The following MYH13 variants were observed in gnomAD, a reference collection of about 807,000 sequenced individuals.
MYH13 encodes the protein myosin heavy chain 13, also known as myosin-13.
Under a neutral mutation model 232.1 loss-of-function variants are expected in MYH13, and 177 were observed. That is an observed-to-expected ratio of 0.76 (90% CI 0.67 to 0.86). MYH13 has a LOEUF of 0.86. Ranked by LOEUF, MYH13 falls within the 40% of genes least tolerant of loss-of-function variation. The probability of loss-of-function intolerance (pLI) is 0.00; values close to 1 mark genes in which losing one functional copy is unlikely to be tolerated. For synonymous variants in MYH13, 884 were observed against 923.5 expected, an observed-to-expected ratio of 0.96 and a Z score of 0.78; for missense variants, 2,246 against 2,405.9, an observed-to-expected ratio of 0.93 and a Z score of 1.39.
chr17:10,327,292 C>T (rs560927626), intron 22 of MYH13, among the ~76,000 whole-genome samples: 371 of 151,800 alleles, frequency 2.4e-3, no homozygotes, highest in African/African-American at 8.6e-3. Flanking sequence ...TGAGCCACCG[C>T]GCCCGGCCGC....
In MYH13 at chr17:10,340,181, T is replaced by C; in HGVS notation, c.2025A>G (p.Arg675=). The change falls in exon 18 of 41, where the codon CGA becomes CGG. Residue 675 remains arginine, a synonymous_variant. Transcript: ENST00000252172. ...NLRSTHPHFV[R]CLIPNETKTP... is the part of the protein sequence containing the mutation. ...TCTTGGTCTCATTGGGAATCAGACA[T>C]CGTACAAAGTGAGGGTGGGTGCTCC... 1 of 1,613,964 alleles carries C rather than the reference T, an allele frequency of 6.2e-7. No homozygotes were observed.
At position 10,328,056 on chromosome 17, in the gene MYH13, A is replaced by T; in HGVS notation, c.2501T>A (p.Met834Lys). The part of the protein sequence containing the change: ...SFMNVKHWPW[M>K]NLFFKIKPLL... ...GGGCTTGATTTTGAAGAACAGGTTC[A>T]TCCAGGGCCAGTGCTTGACGTTCAT... The change falls in exon 22 of 41, where the codon ATG (methionine) becomes AAG (lysine). Residue 834 changes from methionine to lysine, a missense_variant. Transcript: ENST00000252172. 6.2e-7 allele frequency: 1 copy of T among 1,614,162 alleles called. No individual in the cohort carries two copies.
chr17:10,321,798 C>T, intron 23 of MYH13, 90 bp from the exon 24 acceptor site: 2 of 1,229,648 alleles, frequency 1.6e-6, no homozygotes, highest in East Asian at 2.4e-5. Context: ...CTCATTTTTC[C>T]TTTTTCCCTT....
At chr17:10,327,481 T>C (rs1167828664) in intron 22 of MYH13, among the ~76,000 whole-genome samples, 4 of 152,172 alleles carry the variant, frequency 2.6e-5, no homozygotes, top group Non-Finnish European at 4.4e-5. Context: ...AAATAATATA[T>C]AGAAAATTAC....
At chr17:10,368,560 G>A (rs190948604) in intron 2 of MYH13, among the ~76,000 whole-genome samples, 1 of 152,208 alleles carries the variant, frequency 6.6e-6, no homozygotes, top group African/African-American at 2.4e-5. Context: ...GTGTATGGTA[G>A]TGAAGAATAC....
intron 18 of MYH13, among the ~76,000 whole-genome samples, chr17:10,334,335 A>C (rs1177241152): frequency 2.6e-5 from 4 of 152,154 alleles, no homozygotes; most frequent in Non-Finnish European, 5.9e-5. Context: ...ATGATTTTTA[A>C]GGCTTTGGTA....
intron 11 of MYH13, 67 bp downstream of exon 11, chr17:10,354,611 CTA>C (rs2071734069): frequency 1.4e-6 from 2 of 1,413,342 alleles, no homozygotes. Flanking sequence ...CATTAGCTCA[CTA>C]ACGTGTCTCT....
At chr17:10,344,820 C>CAAAAA (rs10566615) in intron 15 of MYH13, among the ~76,000 whole-genome samples, 1 of 53,476 alleles carries the variant, frequency 1.9e-5, no homozygotes, top group Non-Finnish European at 3.9e-5. Flanking sequence ...GACTCCGTCT[C>CAAAAA]AAAAAAAAAA....
In MYH13 at chr17:10,313,224, A is replaced by G; in HGVS notation, c.4115T>C (p.Val1372Ala). The change falls in exon 30 of 41, where the codon GTT becomes GCT. Residue 1372 changes from valine to alanine, a missense_variant. Val to Ala is a moderately conservative substitution (Grantham distance 64). Transcript: ENST00000252172. ...QRALSKANSE[V>A]AQWRTKYETD... ...CTCGTATTTGGTCCTCCACTGGGCA[A>G]CCTCACTGTTGGCCTTGGACAGCGC... 6.2e-7 allele frequency: 1 copy of G among 1,614,106 alleles called. No individual in the cohort carries two copies.
chr17:10,350,822 C>T (rs954308226), intron 11 of MYH13, 128 bp from the exon 12 acceptor site: 2 of 1,223,592 alleles, frequency 1.6e-6, no homozygotes, highest in Non-Finnish European at 2.4e-6. Context: ...AAGTGGATGA[C>T]AGGTGGGGAT....
chr17:10,351,134 T>A (rs538437083), intron 11 of MYH13, among the ~76,000 whole-genome samples: 1 of 144,924 alleles, frequency 6.9e-6, no homozygotes, highest in South Asian at 2.2e-4. Context: ...GGCAGGAGAA[T>A]CACTTGAACC....
chr17:10,318,833 A>G lies in MYH13; in HGVS notation c.3695T>C (p.Ile1232Thr), dbSNP rs61745305. Residue 1232 changes from isoleucine (I) to threonine (T), a missense_variant, in exon 27 of 41, where the codon ATT becomes ACT. Physicochemically the swap from Ile to Thr is moderately conservative, Grantham distance 89. Coordinates refer to ENST00000252172, the MANE Select transcript of MYH13 (RefSeq NM_003802.3). The stretch of plus-strand genomic sequence containing the variant: ...CTCGATGTTGCTGGCCATGTCGTCA[A>G]TCTCCATCTTCAGCTCGCTCTTCTC... ...EKEKSELKME[I>T]DDMASNIEAL... The G allele has an allele frequency of 1.4e-4, 221 of 1,614,022 alleles. No homozygotes were observed. The African/African-American group carries it at 2.4e-3, about 18-fold the overall frequency.
At chr17:10,337,739 T>C (rs765952438) in intron 18 of MYH13, among the ~76,000 whole-genome samples, 7 of 152,040 alleles carry the variant, frequency 4.6e-5, no homozygotes, top group Non-Finnish European at 1.0e-4. Context: ...GGACAGACAT[T>C]TCAGCAACAT....
chr17:10,341,583 G>A (rs1314751794), intron 16 of MYH13: 46 of 152,140 alleles, frequency 3.0e-4, no homozygotes, highest in Non-Finnish European at 4.4e-5. Context: ...AGCCTTGGGG[G>A]AAAATGTCAT....
chr17:10,328,163 T>A lies in MYH13; in HGVS notation c.2436-42A>T, dbSNP rs370569021. ...ACTCAAATTAATAAATCCAGCAAGG[T>A]CTGGTCTCTGCACCCCCAACCTGTC... On this transcript the variant is annotated intron_variant, in intron 21 of 40. Coordinates refer to ENST00000252172, the MANE Select transcript of MYH13 (RefSeq NM_003802.3). 23 of 1,604,914 alleles carry A rather than the reference T, an allele frequency of 1.4e-5. No homozygotes were observed. The African/African-American group carries it at 2.6e-4, about 18-fold the overall frequency.
intron 24 of MYH13, among the ~76,000 whole-genome samples, chr17:10,321,038 A>C (rs1157042352): frequency 1.3e-5 from 2 of 152,210 alleles, no homozygotes; most frequent in East Asian, 3.9e-4. Flanking sequence ...CTCTAGCCAC[A>C]ATAGTGAGTA....
rs758696446 is a variant in MYH13, at chr17:10,315,811, C to T, written c.3866G>A (p.Gly1289Glu). ...CTCTTCCACTCGGTGGCTCAGCTCC[C>T]CTACCAAACAGATGTGGCCCCCACG... ...MQKARLQTQN[G>E]ELSHRVEEKE... Residue 1289 changes from glycine (G) to glutamate (E), a missense_variant and splice_region_variant, in exon 29 of 41, where the codon GGG becomes GAG. By Grantham distance (98) the Gly-to-Glu change is moderately conservative (BLOSUM62 -2). Coordinates refer to ENST00000252172, the MANE Select transcript of MYH13 (RefSeq NM_003802.3). The T allele has an allele frequency of 6.2e-7, 1 of 1,613,952 alleles. No homozygotes were observed. Among genetic ancestry groups the T allele is most frequent in the Non-Finnish European group, 8.5e-7 (1 of 1,179,890 alleles).
At chr17:10,358,872 C>T (rs546957410) in intron 7 of MYH13, among the ~76,000 whole-genome samples, 2 of 152,202 alleles carry the variant, frequency 1.3e-5, no homozygotes, top group Non-Finnish European at 2.9e-5. Flanking sequence ...CCTGTTGATT[C>T]TGATGTGTAC....
At chr17:10,343,705 G>A in intron 16 of MYH13, 95 bp downstream of exon 16, 1 of 1,311,726 alleles carries the variant, frequency 7.6e-7, no homozygotes, top group Non-Finnish European at 1.0e-6. Flanking sequence ...CTCAGCTGAA[G>A]CTCATGTCTG....
Sources: allele counts gnomAD v4.1 joint callset (sites outside exome capture counted in the v4.1 genomes callset), GRCh38; gene constraint gnomAD v4.1.1; transcripts MANE v1.5; gene names NCBI Gene and HGNC (gene_info 2026-07-23, HGNC 2026-07-21).